TUSC3: variants seen among roughly 807,000 people sequenced by gnomAD.
TUSC3 encodes the protein tumor suppressor candidate 3.
Under a neutral mutation model 44.8 loss-of-function variants are expected in TUSC3, and 45 were observed. The observed-to-expected ratio is 1.00, with a 90% CI of 0.79 to 1.29. The LOEUF (loss-of-function observed/expected upper bound fraction) is 1.29, where lower values mean the gene tolerates loss of function less well. TUSC3 is among the 50% of genes most tolerant of loss of function. The probability of loss-of-function intolerance (pLI) is 0.00; values close to 1 mark genes in which losing one functional copy is unlikely to be tolerated. For synonymous variants in TUSC3, 212 were observed against 152.9 expected, an observed-to-expected ratio of 1.39 and a Z score of -2.85; for missense variants, 519 against 437.9, an observed-to-expected ratio of 1.19 and a Z score of -1.65.
At chr8:15,507,380 C>T (rs1246105765) in intron 2 of TUSC3, among the ~76,000 whole-genome samples, 2 of 152,016 alleles carry the variant, frequency 1.3e-5, no homozygotes, top group Non-Finnish European at 2.9e-5. Flanking sequence ...CTTTATAGTT[C>T]ATGCCTTATC....
chr8:15,793,048 A>T, the TUSC3 span, among the ~76,000 whole-genome samples: 2 of 151,908 alleles, frequency 1.3e-5, no homozygotes, highest in Non-Finnish European at 2.9e-5. Context: ...CCAACAACCA[A>T]TTCTACCCAT....
At chr8:15,822,827 A>T in the TUSC3 span, among the ~76,000 whole-genome samples, 1 of 152,138 alleles carries the variant, frequency 6.6e-6, no homozygotes, top group Admixed American at 6.5e-5. Flanking sequence ...AACATTGCAT[A>T]CACCAATAAG....
At chr8:15,472,742 G>A (rs1352039375) in intron 1 of TUSC3, among the ~76,000 whole-genome samples, 2 of 152,132 alleles carry the variant, frequency 1.3e-5, no homozygotes, top group Admixed American at 6.5e-5. Context: ...ATATGGTGCC[G>A]ATAATTTACA....
chr8:15,602,421 A>G (rs956767221), intron 1 of TUSC3, among the ~76,000 whole-genome samples: 2 of 151,606 alleles, frequency 1.3e-5, no homozygotes, highest in African/African-American at 2.4e-5. Flanking sequence ...CAGTTTATCA[A>G]ATGGGTTGTA....
the TUSC3 span, among the ~76,000 whole-genome samples, chr8:15,843,906 A>G: frequency 9.2e-5 from 14 of 152,226 alleles, no homozygotes; most frequent in Middle Eastern, 3.4e-3. Context: ...GGACAATTCT[A>G]CCTTAAGCTG....
intron 3 of TUSC3, among the ~76,000 whole-genome samples, chr8:15,651,729 C>G (rs1405229375): frequency 6.6e-6 from 1 of 152,148 alleles, no homozygotes; most frequent in Non-Finnish European, 1.5e-5. Flanking sequence ...GGTTAGGTCA[C>G]CTACTCTGGA....
At chr8:15,705,609 C>T (rs1809584045) in intron 6 of TUSC3, among the ~76,000 whole-genome samples, 2 of 151,998 alleles carry the variant, frequency 1.3e-5, no homozygotes, top group Non-Finnish European at 2.9e-5. Flanking sequence ...ATAAAAGTTT[C>T]TCAGAAGGCT....
intron 2 of TUSC3, among the ~76,000 whole-genome samples, chr8:15,497,223 C>T (rs990504292): frequency 6.6e-6 from 1 of 152,100 alleles, no homozygotes; most frequent in African/African-American, 2.4e-5. Flanking sequence ...ATAAATGAAC[C>T]ATGGGCATTT....
At chr8:15,598,428 T>C (rs1375298172) in intron 1 of TUSC3, among the ~76,000 whole-genome samples, 1 of 151,960 alleles carries the variant, frequency 6.6e-6, no homozygotes, top group Non-Finnish European at 1.5e-5. Flanking sequence ...ACCAATGTGG[T>C]ACATTTGTTA....
chr8:15,664,045 C>T (rs968814488), intron 5 of TUSC3, among the ~76,000 whole-genome samples: 14 of 151,850 alleles, frequency 9.2e-5, no homozygotes, highest in African/African-American at 2.4e-5. Context: ...AGAATTATTG[C>T]ATTGTAAGCT....
the TUSC3 span, among the ~76,000 whole-genome samples, chr8:15,845,176 G>C: frequency 1.3e-5 from 2 of 152,040 alleles, no homozygotes; most frequent in Admixed American, 6.6e-5. Context: ...TAAGTCCCTC[G>C]GATAAAGCGT....
At chr8:15,486,361 A>G (rs1171294859) in intron 2 of TUSC3, among the ~76,000 whole-genome samples, 1 of 152,204 alleles carries the variant, frequency 6.6e-6, no homozygotes, top group African/African-American at 2.4e-5. Context: ...TATCTGGACT[A>G]TGCAAAATGA....
the TUSC3 span, among the ~76,000 whole-genome samples, chr8:15,847,071 T>G: frequency 6.6e-6 from 1 of 152,134 alleles, no homozygotes; most frequent in South Asian, 2.1e-4. Flanking sequence ...GGCCATGACT[T>G]TTGAAATTAG....
intron 1 of TUSC3, among the ~76,000 whole-genome samples, chr8:15,607,910 T>C (rs571817753): frequency 1.8e-4 from 28 of 152,320 alleles, no homozygotes; most frequent in African/African-American, 6.3e-4. Context: ...TGTCTAGTTA[T>C]GGAACGTAAT....
chr8:15,841,615 G>A, the TUSC3 span, among the ~76,000 whole-genome samples: 1 of 152,040 alleles, frequency 6.6e-6, no homozygotes, highest in East Asian at 1.9e-4. Flanking sequence ...CCGGGTTCAA[G>A]CGATTCTCCT....
chr8:15,571,460 G>C (rs957031085), intron 1 of TUSC3, among the ~76,000 whole-genome samples: 2 of 152,128 alleles, frequency 1.3e-5, no homozygotes, highest in African/African-American at 4.8e-5. Context: ...CTGTCTAAAA[G>C]AAAAGTATAT....
At chr8:15,561,106 T>A (rs377158178) in intron 1 of TUSC3, among the ~76,000 whole-genome samples, 9,292 of 99,066 alleles carry the variant, frequency 0.094, 357 homozygotes, top group African/African-American at 0.13. Context: ...CCAGTTTTTC[T>A]GTTCTGTTTT....
chr8:15,526,574 A>G lies in TUSC3; in HGVS notation n.189+43091A>G, dbSNP rs186259883. ...TCTCAGGAGATCTTATCGTTTTATA[A>G]TGGGTTTCCCCTTTCTCTTGGCTCT... On this transcript the variant is annotated intron_variant and non_coding_transcript_variant, in intron 2 of 5. Coordinates refer to the TUSC3 transcript ENST00000503191. Among the ~76,000 whole-genome samples the G allele has an allele frequency of 1.5e-4, 23 of 150,824 alleles. No homozygotes were observed. The East Asian group carries it at 4.1e-3, about 27-fold the overall frequency.
At chr8:15,788,430 G>A in the TUSC3 span, among the ~76,000 whole-genome samples, 5 of 151,616 alleles carry the variant, frequency 3.3e-5, no homozygotes, top group African/African-American at 9.7e-5. Context: ...ACCTGTGATC[G>A]CAGCTACTTG....
Sources: allele counts gnomAD v4.1 joint callset (sites outside exome capture counted in the v4.1 genomes callset), GRCh38; gene constraint gnomAD v4.1.1; transcripts MANE v1.5; gene names NCBI Gene and HGNC (gene_info 2026-07-23, HGNC 2026-07-21).